Variants in SLC24A2 observed in about 807,000 individuals in gnomAD.
SLC24A2 encodes sodium/potassium/calcium exchanger 2.
Under a neutral mutation model 62.0 loss-of-function variants are expected in SLC24A2, and 36 were observed. The observed-to-expected ratio is 0.58, with a 90% confidence interval of 0.44 to 0.77. The LOEUF (loss-of-function observed/expected upper bound fraction) is 0.77. Among genes scored for constraint, SLC24A2 ranks in the 30% least tolerant of loss-of-function variants. SLC24A2 has a pLI of 0.00. For missense variants in SLC24A2, 846 were observed against 817.9 expected (o/e 1.03, Z -0.42); for synonymous variants, 358 against 294.0 (o/e 1.22, Z -2.23).
chr9:19,746,915 A>G (rs997498051), intron 2 of SLC24A2, among the ~76,000 whole-genome samples: 2 of 152,168 alleles, frequency 1.3e-5, no homozygotes, highest in African/African-American at 2.4e-5. Flanking sequence ...AATTCCAACA[A>G]TGAAATCAAC....
chr9:19,543,067 G>A (rs1439233847), intron 8 of SLC24A2, among the ~76,000 whole-genome samples: 2 of 151,820 alleles, frequency 1.3e-5, no homozygotes, highest in South Asian at 2.1e-4. Context: ...ATCTGGTTCT[G>A]GACTTTGGTA....
intron 2 of SLC24A2, among the ~76,000 whole-genome samples, chr9:19,625,636 A>G (rs907718230): frequency 6.6e-6 from 1 of 151,778 alleles, no homozygotes; most frequent in Non-Finnish European, 1.5e-5. Flanking sequence ...CTGGAAGATG[A>G]CTTTAATCTC....
chr9:19,842,073 T>C, the SLC24A2 span, among the ~76,000 whole-genome samples: 23 of 152,236 alleles, frequency 1.5e-4, no homozygotes, highest in African/African-American at 4.3e-4. Flanking sequence ...TGGTGACAGA[T>C]TGATTACATT....
At position 19,580,888 on chromosome 9, in the gene SLC24A2, A is replaced by T. The variant is rs375987888; in HGVS notation, c.1130-3866T>A. The stretch of plus-strand genomic sequence containing the variant: ...TACTAGTGACATACGATGTCCATAC[A>T]TGTCCTGTACTCACTTGGGGAAGAG... On this transcript the variant is annotated intron_variant, in intron 5 of 10. Coordinates refer to ENST00000341998, the MANE Select transcript of SLC24A2 (RefSeq NM_020344.4). Among the ~76,000 whole-genome samples, 19 of 152,306 alleles carry T rather than the reference A, an allele frequency of 1.2e-4. No individual in the cohort carries two copies. The East Asian group carries it at 2.7e-3, about 22-fold the overall frequency.
chr9:19,558,415 T>A (rs1340786959), intron 7 of SLC24A2, among the ~76,000 whole-genome samples: 4 of 152,166 alleles, frequency 2.6e-5, no homozygotes, highest in Non-Finnish European at 4.4e-5. Context: ...GTATAGAGAT[T>A]TAGCTCAGTC....
the SLC24A2 span, among the ~76,000 whole-genome samples, chr9:19,938,115 T>C: frequency 1.1e-3 from 165 of 152,262 alleles, 1 homozygote; most frequent in African/African-American, 3.9e-3. Context: ...TCTTATAGAC[T>C]GTGATTTCCT....
intron 4 of SLC24A2, among the ~76,000 whole-genome samples, chr9:19,618,463 T>A (rs540341804): frequency 1.8e-4 from 27 of 152,264 alleles, no homozygotes; most frequent in African/African-American, 6.3e-4. Context: ...AACAGGAAGA[T>A]GATTTGTGAT....
chr9:19,956,927 A>G, the SLC24A2 span, among the ~76,000 whole-genome samples: 1 of 152,134 alleles, frequency 6.6e-6, no homozygotes, highest in South Asian at 2.1e-4. Context: ...ATACACCAGG[A>G]AGTAGGCCCT....
At chr9:19,540,420 G>C (rs1834193206) in intron 8 of SLC24A2, among the ~76,000 whole-genome samples, 1 of 148,842 alleles carries the variant, frequency 6.7e-6, no homozygotes, top group Non-Finnish European at 1.5e-5. Flanking sequence ...AAATCTCTCA[G>C]CATTTGCTTG....
chr9:19,597,145 G>GA (rs1461436686), intron 5 of SLC24A2, 84 bp downstream of exon 5: 34 of 898,782 alleles, frequency 3.8e-5, no homozygotes, highest in Non-Finnish European at 4.7e-5. Flanking sequence ...ATGCAGAGAG[G>GA]AAAAAAAAGA....
At chr9:19,977,903 G>T in the SLC24A2 span, among the ~76,000 whole-genome samples, 10 of 152,256 alleles carry the variant, frequency 6.6e-5, no homozygotes, top group South Asian at 2.1e-3. Context: ...GACCAGAAAA[G>T]ACCATGTTCC....
chr9:20,300,614 A>G, the SLC24A2 span, among the ~76,000 whole-genome samples: 2 of 152,158 alleles, frequency 1.3e-5, no homozygotes, highest in Non-Finnish European at 2.9e-5. Flanking sequence ...ACAGCCTGGT[A>G]CCCATAGAGT....
chr9:20,163,938 G>T, the SLC24A2 span, among the ~76,000 whole-genome samples: 2 of 152,102 alleles, frequency 1.3e-5, no homozygotes, highest in African/African-American at 4.8e-5. Context: ...TATGGAGAAA[G>T]CTGAAACTGG....
At chr9:19,519,726 C>G (rs1039182591) in intron 10 of SLC24A2, among the ~76,000 whole-genome samples, 4 of 152,160 alleles carry the variant, frequency 2.6e-5, no homozygotes, top group Non-Finnish European at 5.9e-5. Flanking sequence ...GGGCAAGAGC[C>G]TCCAAGTCAG....
chr9:19,858,877 G>A, the SLC24A2 span, among the ~76,000 whole-genome samples: 1 of 152,138 alleles, frequency 6.6e-6, no homozygotes, highest in Non-Finnish European at 1.5e-5. Flanking sequence ...TGGAGAAAAA[G>A]GAATGCTTAT....
the SLC24A2 span, among the ~76,000 whole-genome samples, chr9:20,042,183 C>T: frequency 6.6e-6 from 1 of 152,156 alleles, no homozygotes; most frequent in Non-Finnish European, 1.5e-5. Flanking sequence ...GCCATGAGTC[C>T]AGCACTTTCC....
At position 19,599,538 on chromosome 9, in the gene SLC24A2, G is replaced by A. The variant is rs963574911; in HGVS notation, c.1079-2259C>T. ...GAAAAGTCAGAAAAGAATGGAGATG[G>A]AAACCAGCCTGCTAGAATACGGTCT... On this transcript the variant is annotated intron_variant, in intron 4 of 10. Coordinates refer to ENST00000341998, the MANE Select transcript of SLC24A2 (RefSeq NM_020344.4). The surrounding 1 kb of genome is among the most constrained non-coding windows in gnomAD (Gnocchi z 4.5). Among the ~76,000 whole-genome samples the A allele has an allele frequency of 2.0e-5, 3 of 152,164 alleles. No individual in the cohort carries two copies. Among genetic ancestry groups the A allele is most frequent in the Non-Finnish European group, 4.4e-5 (3 of 68,030 alleles).
chr9:19,951,936 T>C, the SLC24A2 span, among the ~76,000 whole-genome samples: 1 of 152,146 alleles, frequency 6.6e-6, no homozygotes, highest in Admixed American at 6.5e-5. Context: ...AACTGACATT[T>C]TTACAATGTT....
intron 2 of SLC24A2, among the ~76,000 whole-genome samples, chr9:19,719,069 T>G: frequency 6.6e-6 from 1 of 152,208 alleles, no homozygotes; most frequent in East Asian, 1.9e-4. Context: ...CTACTTCATA[T>G]AATACCACAA....
Sources: gnomAD v4.1 joint callset for allele counts (sites outside exome capture counted in the v4.1 genomes callset) on GRCh38, gnomAD v4.1.1 for gene constraint, Gnocchi (gnomAD v3.1) non-coding constraint, MANE v1.5 for transcripts, NCBI Gene and HGNC (gene_info 2026-07-23, HGNC 2026-07-21) for gene names.